ARHGEF28: variants seen among roughly 807,000 people sequenced by gnomAD.
ARHGEF28 encodes the protein 190 kDa guanine nucleotide exchange factor.
ARHGEF28 carries 152 observed loss-of-function variants against 206.6 expected under a neutral mutation model. That is an observed-to-expected ratio of 0.74 (90% CI 0.64 to 0.84). ARHGEF28 has a LOEUF of 0.84. Among genes scored for constraint, ARHGEF28 ranks in the 40% least tolerant of loss-of-function variants. ARHGEF28 has a pLI of 0.00. For synonymous variants in ARHGEF28, 763 were observed against 776.4 expected, an observed-to-expected ratio of 0.98 and a Z score of 0.29; for missense variants, 2,028 against 2,073.2, an observed-to-expected ratio of 0.98 and a Z score of 0.42.
intron 16 of ARHGEF28, 130 bp downstream of exon 16, chr5:73,858,349 A>G: frequency 8.3e-7 from 1 of 1,206,104 alleles, no homozygotes; most frequent in Non-Finnish European, 1.1e-6. Flanking sequence ...CCGTTTACCA[A>G]GCAAGGACTG....
At chr5:73,922,944 C>A in intron 35 of ARHGEF28, 2 of 700,970 alleles carry the variant, frequency 2.9e-6, no homozygotes, top group East Asian at 2.7e-5. Context: ...TCAGCATAAG[C>A]CCTGAAAAAT....
At chr5:73,924,336 T>C (rs889884809) in intron 35 of ARHGEF28, among the ~76,000 whole-genome samples, 11 of 152,186 alleles carry the variant, frequency 7.2e-5, no homozygotes, top group African/African-American at 2.7e-4. Context: ...AGTCATTTAT[T>C]ATCTATGAAA....
At chr5:73,779,850 T>C (rs1299068624) in intron 6 of ARHGEF28, among the ~76,000 whole-genome samples, 2 of 152,164 alleles carry the variant, frequency 1.3e-5, no homozygotes, top group African/African-American at 4.8e-5. Flanking sequence ...AAATTGTATA[T>C]ATTTTTATAT....
chr5:73,880,499 G>A (rs1209733390), intron 22 of ARHGEF28, among the ~76,000 whole-genome samples: 2 of 152,222 alleles, frequency 1.3e-5, no homozygotes, highest in African/African-American at 4.8e-5. Context: ...TGGAAATGCA[G>A]AAATCACCCG....
At chr5:73,874,938 A>G (rs1224840648) in intron 22 of ARHGEF28, among the ~76,000 whole-genome samples, 1 of 151,942 alleles carries the variant, frequency 6.6e-6, no homozygotes, top group Non-Finnish European at 1.5e-5. Flanking sequence ...ATATCCAGTG[A>G]TGGGATGGCT....
At chr5:73,879,031 G>T (rs1472136154) in intron 22 of ARHGEF28, among the ~76,000 whole-genome samples, 1 of 152,098 alleles carries the variant, frequency 6.6e-6, no homozygotes, top group African/African-American at 2.4e-5. Context: ...TTCCAACTTG[G>T]TTCCATTCTC....
intron 1 of ARHGEF28, among the ~76,000 whole-genome samples, chr5:73,669,448 G>A (rs1274118958): frequency 1.3e-5 from 2 of 151,984 alleles, no homozygotes; most frequent in African/African-American, 4.8e-5. Flanking sequence ...TTCCCCCAAT[G>A]GAAACATTTT....
At chr5:73,923,180 G>A (rs1207094195) in intron 35 of ARHGEF28, 1 of 1,533,642 alleles carries the variant, frequency 6.5e-7, no homozygotes, top group Non-Finnish European at 8.7e-7. Context: ...ACTGCAAGGG[G>A]GGTGCTTAGC....
intron 3 of ARHGEF28, among the ~76,000 whole-genome samples, chr5:73,750,283 G>A (rs1171476899): frequency 3.9e-5 from 6 of 152,134 alleles, no homozygotes; most frequent in Admixed American, 1.3e-4. Flanking sequence ...AGGAAACACT[G>A]TCTATTGAGT....
At chr5:73,780,643 T>C in intron 6 of ARHGEF28, 33 bp from the exon 7 acceptor site, 1 of 1,511,382 alleles carries the variant, frequency 6.6e-7, no homozygotes, top group Non-Finnish European at 8.9e-7. Context: ...TTTTCTGTGC[T>C]TTTTTGTTTT....
rs1761383892 is a variant in ARHGEF28 at position 73,887,630 on chromosome 5, T to C, written c.3338T>C (p.Val1113Ala). ...ATCCTAGCTCTACTTCTAACTGATG[T>C]GCTGCTCTTTTTACAAGAAAAAGAC... The part of the protein sequence containing the change: ...KDILALLLTD[V>A]LLFLQEKDQK... Residue 1113 changes from valine (V) to alanine (A), a missense_variant, in exon 26 of 36, where the codon GTG becomes GCG. Around this residue, in one of 3 missense-constraint regions of ARHGEF28, gnomAD observed 803 missense variants for 768.0 expected, o/e 1.05. Transcript: ENST00000513042. The C allele has an allele frequency of 3.2e-6, 5 of 1,573,008 alleles. No individual in the cohort carries two copies. The highest frequency in any genetic ancestry group is 4.3e-6 in the Non-Finnish European group (5 of 1,157,540).
intron 4 of ARHGEF28, among the ~76,000 whole-genome samples, chr5:73,757,280 A>G (rs1480508824): frequency 7.2e-6 from 1 of 138,016 alleles, no homozygotes; most frequent in Non-Finnish European, 1.5e-5. Context: ...GTGGAAAACA[A>G]TTTCTTTCCT....
intron 4 of ARHGEF28, 42 bp downstream of exon 4, chr5:73,753,244 C>T (rs764664337): frequency 2.9e-5 from 43 of 1,504,292 alleles, no homozygotes; most frequent in Non-Finnish European, 3.5e-5. Context: ...CTCTGTGTGT[C>T]AAGTTCAGAA....
chr5:73,722,790 C>T (rs1460679985), intron 2 of ARHGEF28, among the ~76,000 whole-genome samples: 2 of 146,236 alleles, frequency 1.4e-5, no homozygotes, highest in African/African-American at 5.6e-5. Context: ...GCATACATAT[C>T]TCTCTCTATC....
intron 4 of ARHGEF28, among the ~76,000 whole-genome samples, chr5:73,762,671 T>G (rs1752670837): frequency 6.6e-6 from 1 of 152,086 alleles, no homozygotes; most frequent in Admixed American, 6.6e-5. Context: ...TGTCAACACA[T>G]TTAATTTTTA....
Position 73,753,050 on chromosome 5 carries a change from A to G in ARHGEF28, c.323A>G (p.Asn108Ser), listed in dbSNP as rs202122468. 3.4e-3 allele frequency: 5,451 copies of G among 1,610,548 alleles called. 16 individuals are homozygous for G. Among genetic ancestry groups the G allele is most frequent in the South Asian group, 5.8e-3 (522 of 90,296 alleles). The change falls in exon 4 of 36, where the codon AAT (asparagine) becomes AGT (serine). Residue 108 changes from asparagine (N) to serine (S), a missense_variant. Coordinates refer to ENST00000513042, the MANE Select transcript of ARHGEF28 (RefSeq NM_001177693.2). ...RLARLLVTQA[N>S]RLTACSHQTL... ...GCTCGTCTGCTGGTGACGCAGGCCAATCGCCTCACAGCCTGCAGCCACCAG... is the reference window on the plus strand; with the variant it reads ...GCTCGTCTGCTGGTGACGCAGGCCAGTCGCCTCACAGCCTGCAGCCACCAG...
chr5:73,794,371 C>A lies in ARHGEF28; in HGVS notation c.911-31C>A, dbSNP rs368750096. 1.8e-5 allele frequency: 28 copies of A among 1,560,516 alleles called. 1 individual carries two copies. The African/African-American group carries it at 3.7e-4, about 20-fold the overall frequency. ...TGTTCTTCTTAACAAAAGCTCCCAT[C>A]AGCAGATCCTGATAATTATTTCTTT... On this transcript the variant is annotated intron_variant, in intron 7 of 35. Coordinates refer to ENST00000513042, the MANE Select transcript of ARHGEF28 (RefSeq NM_001177693.2).
At chr5:73,702,754 G>C (rs1433318017) in intron 2 of ARHGEF28, among the ~76,000 whole-genome samples, 1 of 152,136 alleles carries the variant, frequency 6.6e-6, no homozygotes, top group African/African-American at 2.4e-5. Context: ...GAAGTGGTAT[G>C]GTATAGATTT....
intron 35 of ARHGEF28, among the ~76,000 whole-genome samples, chr5:73,930,715 T>C (rs1764065339): frequency 6.6e-6 from 1 of 152,204 alleles, no homozygotes; most frequent in Non-Finnish European, 1.5e-5. Context: ...TTGCATACCT[T>C]CTCCCTTACT....
Sources: gnomAD v4.1 joint callset for allele counts (sites outside exome capture counted in the v4.1 genomes callset) on GRCh38, gnomAD v4.1.1 for gene constraint, gnomAD v4.1.1 regional missense constraint, MANE v1.5 for transcripts, NCBI Gene and HGNC (gene_info 2026-07-23, HGNC 2026-07-21) for gene names.